The following ZNF608 variants were observed in gnomAD, a reference collection of about 807,000 sequenced individuals.
ZNF608 encodes the protein zinc finger protein 608.
In ZNF608, 12 loss-of-function variants were observed where a neutral mutation model predicts 109.0. The observed-to-expected ratio is 0.11, with a 90% CI of 0.07 to 0.18. ZNF608 has a LOEUF of 0.18. Ranked by LOEUF, ZNF608 falls within the 10% of genes least tolerant of loss-of-function variation. The pLI, the probability that ZNF608 is intolerant of heterozygous loss-of-function variation, is 1.00. For synonymous variants in ZNF608, 732 were observed against 717.4 expected (o/e 1.02, Z -0.33); for missense variants, 1,707 against 1,879.3 (o/e 0.91, Z 1.70).
chr5:124,661,105 C>T (rs1016669569), intron 3 of ZNF608, among the ~76,000 whole-genome samples: 4 of 152,136 alleles, frequency 2.6e-5, no homozygotes, highest in African/African-American at 9.7e-5. Context: ...TTTCCTAACC[C>T]ATCCATTGTT....
chr5:124,647,341 C>T lies in ZNF608; in HGVS notation c.3043G>A (p.Gly1015Ser), dbSNP rs774889287. ...CCACTATTTCCAGCTGCAGGGGCAC[C>T]GACCTGCCCAGGGTGCATGTAACTT... is the stretch of plus-strand genomic sequence containing the variant. ...SPSYMHPGQV[G>S]APAAGNSGST... Residue 1015 changes from glycine (G) to serine (S), a missense_variant, in exon 5 of 10, where the codon GGT becomes AGT. Transcript: ENST00000513986. 3.1e-6 allele frequency: 5 copies of T among 1,614,168 alleles called. No homozygotes were observed. Among genetic ancestry groups the T allele is most frequent in the Non-Finnish European group, 4.2e-6 (5 of 1,180,026 alleles).
In ZNF608 at chr5:124,744,411, A is replaced by G. The variant is rs1013740235; in HGVS notation, c.579T>C (p.Gly193=). ...SCGKSKEEKP[G]KSQSSRGAKR... ...TGGCGCCTCGGCTGCTCTGGCTTTT[A>G]CCTGGCTTCTCCTCTTTGCTTTTCC... The change falls in exon 2 of 10, where the codon GGT becomes GGC. Residue 193 remains glycine (G), a synonymous_variant. Coordinates refer to ENST00000513986, the MANE Select transcript of ZNF608 (RefSeq NM_020747.3). This position sits in a 1 kb window ranked among gnomAD's most constrained non-coding sequence, Gnocchi z 4.5. The G allele has an allele frequency of 2.5e-6, 4 of 1,614,040 alleles. No homozygotes were observed. In the African/African-American group the frequency reaches 5.3e-5, roughly 22 times the overall value.
intron 2 of ZNF608, chr5:124,710,884 T>C (rs1298969984): frequency 6.6e-6 from 1 of 152,248 alleles, no homozygotes; most frequent in Non-Finnish European, 1.5e-5. Context: ...CATCCATATG[T>C]AATACTTAGC....
chr5:124,651,577 G>A (rs555755178), intron 3 of ZNF608, among the ~76,000 whole-genome samples: 11 of 152,356 alleles, frequency 7.2e-5, no homozygotes, highest in African/African-American at 2.4e-4. Flanking sequence ...TGCTTGAAAG[G>A]AAACATGAAA....
At position 124,648,552 on chromosome 5, in the gene ZNF608, T is replaced by C. The variant is rs755283599; in HGVS notation, c.1832A>G (p.Glu611Gly). 7 of 1,614,232 alleles carry C rather than the reference T, an allele frequency of 4.3e-6. No individual in the cohort carries two copies. Among genetic ancestry groups the C allele is most frequent in the South Asian group, 1.1e-5 (1 of 91,090 alleles). Residue 611 changes from glutamate to glycine, a missense_variant, in exon 5 of 10, where the codon GAG becomes GGG. Glu to Gly is a moderately conservative substitution (Grantham distance 98, BLOSUM62 -2). Coordinates refer to ENST00000513986, the MANE Select transcript of ZNF608 (RefSeq NM_020747.3). ...GLSNVALECSEPSTSVSAYDQ... is the reference protein window; with the variant it reads ...GLSNVALECSGPSTSVSAYDQ... ...ATAAGCAGATACACTTGTGCTTGGC[T>C]CACTGCATTCAAGTGCCACATTACT...
intron 2 of ZNF608, among the ~76,000 whole-genome samples, chr5:124,726,193 C>T (rs1754128560): frequency 6.6e-6 from 1 of 152,140 alleles, no homozygotes; most frequent in Admixed American, 6.5e-5. Context: ...GTTTTCTTCC[C>T]CCTCAATGGA....
At chr5:124,681,230 A>G (rs562462695) in intron 3 of ZNF608, among the ~76,000 whole-genome samples, 23 of 152,328 alleles carry the variant, frequency 1.5e-4, no homozygotes, top group African/African-American at 4.3e-4. Flanking sequence ...AGGCGGGCAC[A>G]TCACTTGAGG....
chr5:124,685,419 G>A (rs1326156301), intron 3 of ZNF608, among the ~76,000 whole-genome samples: 2 of 152,176 alleles, frequency 1.3e-5, no homozygotes, highest in South Asian at 2.1e-4. Context: ...TAGGCTCCCT[G>A]ACAATCCCCT....
chr5:124,683,595 C>T (rs7716963), intron 3 of ZNF608, among the ~76,000 whole-genome samples: 42,781 of 151,978 alleles, frequency 0.28, 6,188 homozygotes, highest in Non-Finnish European at 0.3. Context: ...GAGTTGCTTC[C>T]GGAAAGTAGA....
chr5:124,637,855 T>G lies in ZNF608; in HGVS notation c.*45A>C. 1.2e-6 allele frequency: 2 copies of G among 1,600,222 alleles called. No individual in the cohort carries two copies. Among genetic ancestry groups the G allele is most frequent in the Non-Finnish European group, 1.7e-6 (2 of 1,173,158 alleles). Reference sequence around the variant, plus strand: ...GGAACTGATGTCTGTATAAAGCGCTTCCCCATGTGATCCAGTCACATGACA... The same window carrying G: ...GGAACTGATGTCTGTATAAAGCGCTGCCCCATGTGATCCAGTCACATGACA... On this transcript the variant is annotated 3_prime_UTR_variant, in exon 10 of 10. Transcript: ENST00000513986.
chr5:124,713,159 C>A (rs1055135525), intron 2 of ZNF608, among the ~76,000 whole-genome samples: 2 of 152,232 alleles, frequency 1.3e-5, no homozygotes, highest in Non-Finnish European at 2.9e-5. Context: ...CTTCCCTTCT[C>A]TCTTACTACT....
intron 2 of ZNF608, among the ~76,000 whole-genome samples, chr5:124,719,600 GCCCC>G (rs977942634): frequency 6.6e-5 from 10 of 152,162 alleles, no homozygotes; most frequent in Non-Finnish European, 1.2e-4. Flanking sequence ...TAAGCTATTT[GCCCC>G]CTAAGTCAGT....
At chr5:124,727,781 C>T (rs1412317134) in intron 2 of ZNF608, among the ~76,000 whole-genome samples, 1 of 147,394 alleles carries the variant, frequency 6.8e-6, no homozygotes, top group Non-Finnish European at 1.5e-5. Flanking sequence ...TTCTTGTTGC[C>T]CAGGCTAGAG....
chr5:124,640,982 A>G (rs1750209395), intron 8 of ZNF608, among the ~76,000 whole-genome samples: 1 of 152,124 alleles, frequency 6.6e-6, no homozygotes, highest in Non-Finnish European at 1.5e-5. Context: ...TGCCCCAGAC[A>G]CTGGCCACCG....
chr5:124,736,901 T>C (rs960523269), intron 2 of ZNF608, among the ~76,000 whole-genome samples: 2 of 152,160 alleles, frequency 1.3e-5, no homozygotes, highest in Non-Finnish European at 2.9e-5. Flanking sequence ...CTCTGCCACA[T>C]GACAAAAACC....
At chr5:124,677,707 T>C (rs897745215) in intron 3 of ZNF608, among the ~76,000 whole-genome samples, 5 of 152,194 alleles carry the variant, frequency 3.3e-5, no homozygotes, top group African/African-American at 1.2e-4. Context: ...TAATTCTCAA[T>C]AGGGCTCCTA....
rs1197131548 is a variant in ZNF608 at position 124,745,175 on chromosome 5, G to A, written c.-183-3C>T. On this transcript the variant is annotated splice_polypyrimidine_tract_variant and splice_region_variant and intron_variant, in intron 1 of 9. Transcript: ENST00000513986. ...CCTCAGTCCAGGTCCACCTTTTCCT[G>A]TGAAGGGGGGGGGAAAAGTCGAATA... The A allele has an allele frequency of 2.9e-5, 40 of 1,392,932 alleles. No homozygotes were observed. The highest frequency in any genetic ancestry group is 2.4e-4 in the Middle Eastern group (1 of 4,094). The allele number at this position is 1,392,932 out of a possible 1,614,324, so 86.3% of individuals were successfully genotyped here. A position where few individuals can be genotyped will look rare whatever the true frequency, so the allele number is the denominator to read the frequency against.
At chr5:124,719,750 G>C (rs940676676) in intron 2 of ZNF608, among the ~76,000 whole-genome samples, 12 of 152,194 alleles carry the variant, frequency 7.9e-5, no homozygotes, top group African/African-American at 2.2e-4. Flanking sequence ...AAAGGTTTCT[G>C]CGTTTGTGTA....
chr5:124,641,077 G>C (rs980645711), intron 8 of ZNF608, among the ~76,000 whole-genome samples, 175 bp downstream of exon 8: 5 of 152,146 alleles, frequency 3.3e-5, no homozygotes, highest in African/African-American at 1.2e-4. Context: ...TGTCTCAATA[G>C]AATACAAAGA....
Sources: gnomAD v4.1 joint callset for allele counts (sites outside exome capture counted in the v4.1 genomes callset) on GRCh38, gnomAD v4.1.1 for gene constraint, Gnocchi (gnomAD v3.1) non-coding constraint, MANE v1.5 for transcripts, NCBI Gene and HGNC (gene_info 2026-07-23, HGNC 2026-07-21) for gene names.